The following AGFG1 variants were observed in gnomAD, a reference collection of about 807,000 sequenced individuals.
The protein encoded by AGFG1 is arf-GAP domain and FG repeat-containing protein 1.
Under a neutral mutation model 60.6 loss-of-function variants are expected in AGFG1, and 10 were observed. The ratio of observed to expected loss-of-function variants is 0.16; its 90% CI spans 0.10 to 0.28. The LOEUF (loss-of-function observed/expected upper bound fraction) is 0.28. AGFG1 is among the 10% of genes least tolerant of loss of function. The pLI, the probability that AGFG1 is intolerant of heterozygous loss-of-function variation, is 1.00. For missense variants in AGFG1, 537 were observed against 676.5 expected, an observed-to-expected ratio of 0.79 and a Z score of 2.29; for synonymous variants, 247 against 242.9, an observed-to-expected ratio of 1.02 and a Z score of -0.16.
chr2:227,481,146 T>C (rs1316678432), intron 1 of AGFG1, among the ~76,000 whole-genome samples: 1 of 151,054 alleles, frequency 6.6e-6, no homozygotes, highest in African/African-American at 2.4e-5. Flanking sequence ...AAACTCACGC[T>C]TTTTATAGTG....
chr2:227,502,514 A>T (rs4422147), intron 2 of AGFG1, among the ~76,000 whole-genome samples: 128,410 of 151,952 alleles, frequency 0.85, 54,364 homozygotes, highest in African/African-American at 0.91. Context: ...AGAGATGAGG[A>T]TTTGCCATGT....
At chr2:227,550,390 C>T (rs1575119139) in intron 10 of AGFG1, among the ~76,000 whole-genome samples, 1 of 152,124 alleles carries the variant, frequency 6.6e-6, no homozygotes. Flanking sequence ...AGTTTGAATT[C>T]ATGGTACTTT....
chr2:227,491,572 G>A lies in AGFG1; in HGVS notation c.193G>A (p.Val65Met). 6.4e-7 allele frequency: 1 copy of A among 1,565,302 alleles called. No homozygotes were observed. Among genetic ancestry groups the A allele is most frequent in the South Asian group, 1.2e-5 (1 of 80,252 alleles). ...GCGAGGATTAAATCCACCACACAGG[G>A]TGAAATCTATCTCCATGACAACATT... ...SLRGLNPPHR[V>M]KSISMTTFTQ... Residue 65 changes from valine (V) to methionine (M), a missense_variant, in exon 2 of 13, where the codon GTG becomes ATG. Physicochemically the swap from Val to Met is conservative, Grantham distance 21. Transcript: ENST00000310078.
Position 227,554,932 on chromosome 2 carries a change from A to C in AGFG1, c.*437A>C, listed in dbSNP as rs904424208. ...TGAATGACCTAAAATCATTTTAACC[A>C]TTGCTACTGGAAAGTAACAGAGTCA... On this transcript the variant is annotated 3_prime_UTR_variant, in exon 13 of 13. Coordinates refer to ENST00000310078, the MANE Select transcript of AGFG1 (RefSeq NM_004504.5). 6.5e-6 allele frequency: 1 copy of C among 153,168 alleles called. No homozygotes were observed. Among genetic ancestry groups the C allele is most frequent in the East Asian group, 1.9e-4 (1 of 5,210 alleles). 9.5% of individuals were successfully genotyped at this position (153,168 alleles called of 1,614,324 possible). A position where few individuals can be genotyped will look rare whatever the true frequency, so the allele number is the denominator to read the frequency against.
intron 3 of AGFG1, 129 bp from the exon 4 acceptor site, chr2:227,523,634 T>C: frequency 1.2e-6 from 1 of 832,874 alleles, no homozygotes; most frequent in South Asian, 2.4e-5. Context: ...AAAGTTATTC[T>C]GTGTGAGAGG....
intron 2 of AGFG1, among the ~76,000 whole-genome samples, chr2:227,499,491 T>C (rs1015778732): frequency 6.6e-5 from 10 of 151,924 alleles, no homozygotes; most frequent in Non-Finnish European, 1.2e-4. Flanking sequence ...AATACAAAAA[T>C]TTGCTGGGCG....
At chr2:227,506,752 T>A (rs1691326978) in intron 2 of AGFG1, among the ~76,000 whole-genome samples, 9 of 152,098 alleles carry the variant, frequency 5.9e-5, no homozygotes, top group Admixed American at 5.9e-4. Context: ...GCTCGCCCTT[T>A]TAAGTCTTTT....
Position 227,523,982 on chromosome 2 carries a change from A to C in AGFG1, c.540+57A>C, listed in dbSNP as rs376450759. 14 of 1,500,550 alleles carry C rather than the reference A, an allele frequency of 9.3e-6. No homozygotes were observed. The East Asian group carries it at 1.1e-4, about 12-fold the overall frequency. The allele number at this position is 1,500,550 out of a possible 1,614,324, so 93.0% of individuals were successfully genotyped here. On this transcript the variant is annotated intron_variant, in intron 4 of 12. Coordinates refer to ENST00000310078, the MANE Select transcript of AGFG1 (RefSeq NM_004504.5). ...CGACTTAAAGAGGGCTTGAGTATCAAGAATTTGAGAATTGTTTAAGACAGC... is the reference window on the plus strand; with the variant it reads ...CGACTTAAAGAGGGCTTGAGTATCACGAATTTGAGAATTGTTTAAGACAGC...
At chr2:227,550,522 G>A (rs1184163995) in intron 10 of AGFG1, among the ~76,000 whole-genome samples, 8 of 151,142 alleles carry the variant, frequency 5.3e-5, no homozygotes, top group African/African-American at 1.4e-4. Flanking sequence ...TCAAAGTTAC[G>A]TCGGTGCATT....
chr2:227,514,211 C>CACTAAAAAACT (rs1691584016), intron 2 of AGFG1, among the ~76,000 whole-genome samples: 2 of 151,906 alleles, frequency 1.3e-5, no homozygotes, highest in Non-Finnish European at 2.9e-5. Flanking sequence ...ATAACTAATA[C>CACTAAAAAACT]AATTTTTTTT....
intron 4 of AGFG1, among the ~76,000 whole-genome samples, chr2:227,524,177 C>T (rs1032250467): frequency 6.6e-6 from 1 of 151,820 alleles, no homozygotes; most frequent in African/African-American, 2.4e-5. Context: ...AGGAATGTTG[C>T]TATAGCTATA....
rs913965784 is a variant in AGFG1, at chr2:227,558,852, G to A, written c.*4357G>A. On this transcript the variant is annotated 3_prime_UTR_variant, in exon 13 of 13. Coordinates refer to ENST00000310078, the MANE Select transcript of AGFG1 (RefSeq NM_004504.5). ...TAAATGCAGTTTGATGAAAGAGATA[G>A]CCAACCAGTGGCTTTCCCAAGCCTT... 3.3e-5 allele frequency: 5 copies of A among 152,180 alleles called. No individual in the cohort carries two copies. The highest frequency in any genetic ancestry group is 1.3e-4 in the Admixed American group (2 of 15,272). The allele number at this position is 152,180 out of a possible 1,614,324, so 9.4% of individuals were successfully genotyped here.
At chr2:227,552,513 A>G (rs899239243) in intron 11 of AGFG1, among the ~76,000 whole-genome samples, 2 of 152,066 alleles carry the variant, frequency 1.3e-5, no homozygotes, top group Admixed American at 1.3e-4. Context: ...GAAATAGACT[A>G]CTTTTCTAAT....
At position 227,523,899 on chromosome 2, in the gene AGFG1, C is replaced by T; in HGVS notation, c.514C>T (p.His172Tyr). 1 of 1,613,704 alleles carries T rather than the reference C, an allele frequency of 6.2e-7. No individual in the cohort carries two copies. Among genetic ancestry groups the T allele is most frequent in the Non-Finnish European group, 8.5e-7 (1 of 1,179,846 alleles). ...SLLGDSAPTL[H>Y]LNKGTPSQSP... ...TTTAGGGGATTCTGCACCAACACTG[C>T]ACTTAAATAAGGGCACACCTAGTCA... Residue 172 changes from histidine (H) to tyrosine (Y), a missense_variant, in exon 4 of 13, where the codon CAC (histidine) becomes TAC (tyrosine). Physicochemically the swap from His to Tyr is moderately conservative, Grantham distance 83 (BLOSUM62 2). Coordinates refer to ENST00000310078, the MANE Select transcript of AGFG1 (RefSeq NM_004504.5).
At position 227,550,684 on chromosome 2, in the gene AGFG1, G is replaced by T. The variant is rs1024916121; in HGVS notation, c.1379-1275G>T. On this transcript the variant is annotated intron_variant, in intron 10 of 12. Transcript: ENST00000310078. ...CTAATTAGGTTCATTGAGCAGAATT[G>T]CATTGTTACAAACATACGACTACAG... Among the ~76,000 whole-genome samples, 2 of 152,034 alleles carry T rather than the reference G, an allele frequency of 1.3e-5. 1 individual carries two copies. Among genetic ancestry groups the T allele is most frequent in the African/African-American group, 4.8e-5 (2 of 41,402 alleles).
intron 1 of AGFG1, among the ~76,000 whole-genome samples, chr2:227,490,086 G>C (rs1229973182): frequency 6.6e-6 from 1 of 152,034 alleles, no homozygotes; most frequent in East Asian, 1.9e-4. Flanking sequence ...AAAGTGCTGG[G>C]GTTACAGATG....
At chr2:227,504,740 C>A (rs1691261509) in intron 2 of AGFG1, among the ~76,000 whole-genome samples, 1 of 152,118 alleles carries the variant, frequency 6.6e-6, no homozygotes, top group Non-Finnish European at 1.5e-5. Context: ...TGAGGTTTTC[C>A]TAGGTCCTTT....
chr2:227,504,349 C>T (rs1425481597), intron 2 of AGFG1, among the ~76,000 whole-genome samples: 1 of 152,066 alleles, frequency 6.6e-6, no homozygotes, highest in African/African-American at 2.4e-5. Flanking sequence ...TACACCACCA[C>T]GCCTGGCTCA....
chr2:227,490,662 G>A (rs1447792293), intron 1 of AGFG1, among the ~76,000 whole-genome samples: 1 of 151,880 alleles, frequency 6.6e-6, no homozygotes, highest in Non-Finnish European at 1.5e-5. Context: ...TGACCCCAAA[G>A]TAGTTCTGTG....
Sources: allele counts gnomAD v4.1 joint callset (sites outside exome capture counted in the v4.1 genomes callset), GRCh38; gene constraint gnomAD v4.1.1; transcripts MANE v1.5; gene names NCBI Gene and HGNC (gene_info 2026-07-23, HGNC 2026-07-21).